The following RIC3 variants were observed in gnomAD, a reference collection of about 807,000 sequenced individuals.
RIC3 encodes the protein RIC3 acetylcholine receptor chaperone, also known as protein RIC-3.
In RIC3, 28 loss-of-function variants were observed where a neutral mutation model predicts 27.3. The ratio of observed to expected loss-of-function variants is 1.02; its 90% confidence interval spans 0.76 to 1.41. The LOEUF is 1.41. RIC3 is among the 40% of genes most tolerant of loss of function. RIC3 has a pLI of 0.00. For synonymous variants in RIC3, 184 were observed against 160.4 expected, an observed-to-expected ratio of 1.15 and a Z score of -1.11; for missense variants, 501 against 444.7, an observed-to-expected ratio of 1.13 and a Z score of -1.14.
At chr11:8,167,235 T>C (rs1039096273) in intron 1 of RIC3, among the ~76,000 whole-genome samples, 2 of 152,116 alleles carry the variant, frequency 1.3e-5, no homozygotes, top group African/African-American at 4.8e-5. Context: ...CAAACTTACA[T>C]TCTAGAAGGT....
Position 8,110,952 on chromosome 11 carries a change from TG to T in RIC3, c.855del (p.Arg286GlufsTer75), listed in dbSNP as rs1945182812. 3 of 1,614,116 alleles carry T rather than the reference TG, an allele frequency of 1.9e-6. No individual in the cohort carries two copies. The African/African-American group carries it at 4.0e-5, about 22-fold the overall frequency. ...HLGWESLPTD[P>X]RAQEDNSVTS... is the part of the protein sequence containing the mutation. The stretch of plus-strand genomic sequence containing the variant: ...GTAACAGAATTATCTTCCTGGGCTC[TG>T]GGGTCAGTGGGCAGACTTTCCCAAC... On this transcript the variant is annotated frameshift_variant, in exon 6 of 6. Coordinates refer to ENST00000309737, the MANE Select transcript of RIC3 (RefSeq NM_001206671.4). LOFTEE classifies it low-confidence loss of function (END_TRUNC).
At chr11:8,162,368 C>T (rs1222262728) in intron 1 of RIC3, among the ~76,000 whole-genome samples, 1 of 152,234 alleles carries the variant, frequency 6.6e-6, no homozygotes, top group Non-Finnish European at 1.5e-5. Flanking sequence ...CTCATGATGT[C>T]TCAACTGGAT....
In RIC3 at chr11:8,119,975, C is replaced by T. The variant is rs902834834; in HGVS notation, c.670+6684G>A. 3.3e-5 allele frequency among the ~76,000 whole-genome samples: 5 copies of T among 152,194 alleles called. No homozygotes were observed. The South Asian group carries it at 1.0e-3, about 32-fold the overall frequency. On this transcript the variant is annotated intron_variant, in intron 5 of 5. Transcript: ENST00000309737. ...CACTGGCCATCAGAGAAATGCAAATCAAAACCACAATGAGATACCATCTCA... is the reference window on the plus strand; with the variant it reads ...CACTGGCCATCAGAGAAATGCAAATTAAAACCACAATGAGATACCATCTCA...
At chr11:8,138,537 C>A in intron 2 of RIC3, 190 bp from the exon 3 acceptor site, 1 of 530,046 alleles carries the variant, frequency 1.9e-6, no homozygotes, top group Non-Finnish European at 3.3e-6. Flanking sequence ...AAAAAATTAT[C>A]AAAGCACAAG....
At chr11:8,158,374 G>A (rs1950865188) in intron 1 of RIC3, among the ~76,000 whole-genome samples, 1 of 152,122 alleles carries the variant, frequency 6.6e-6, no homozygotes, top group Non-Finnish European at 1.5e-5. Flanking sequence ...CCCAGATACA[G>A]TGTTACTGTG....
intron 1 of RIC3, among the ~76,000 whole-genome samples, chr11:8,155,578 A>C (rs1231771294): frequency 6.6e-6 from 1 of 152,336 alleles, no homozygotes; most frequent in East Asian, 1.9e-4. Context: ...CGTTTCAAAA[A>C]AAAAGAAAAG....
chr11:8,150,830 C>T (rs1399463740), intron 1 of RIC3, among the ~76,000 whole-genome samples: 1 of 152,168 alleles, frequency 6.6e-6, no homozygotes. Context: ...TGACTGTCCA[C>T]CTGTTTAGAC....
In RIC3 at chr11:8,108,043, A is replaced by G. The variant is rs928415648; in HGVS notation, c.*2655T>C. On this transcript the variant is annotated 3_prime_UTR_variant, in exon 6 of 6. Transcript: ENST00000309737. ...AAAAGAATTTTCTAAATCCTAAATAACTGAAAGGTACATCCAAATGTCTGA... is the reference window on the plus strand; with the variant it reads ...AAAAGAATTTTCTAAATCCTAAATAGCTGAAAGGTACATCCAAATGTCTGA... 2.6e-5 allele frequency: 4 copies of G among 152,188 alleles called. No individual in the cohort carries two copies. The highest frequency in any genetic ancestry group is 5.9e-5 in the Non-Finnish European group (4 of 68,042). 9.4% of individuals were successfully genotyped at this position (152,188 alleles called of 1,614,324 possible). A position where few individuals can be genotyped will look rare whatever the true frequency, so the allele number is the denominator to read the frequency against.
chr11:8,159,335 A>G (rs1315829476), intron 1 of RIC3, among the ~76,000 whole-genome samples: 1 of 152,230 alleles, frequency 6.6e-6, no homozygotes, highest in East Asian at 1.9e-4. Flanking sequence ...TGGCCACAAC[A>G]AAGTGAGACA....
intron 1 of RIC3, among the ~76,000 whole-genome samples, chr11:8,160,178 A>G (rs1951045248): frequency 6.6e-6 from 1 of 152,192 alleles, no homozygotes; most frequent in South Asian, 2.1e-4. Flanking sequence ...AGAGATGCAT[A>G]CTGAAGCATT....
chr11:8,135,113 T>G (rs1049369088), intron 4 of RIC3, among the ~76,000 whole-genome samples: 1 of 152,246 alleles, frequency 6.6e-6, no homozygotes, highest in African/African-American at 2.4e-5. Flanking sequence ...TTTATGGTTT[T>G]AGGTCTAACA....
intron 5 of RIC3, among the ~76,000 whole-genome samples, chr11:8,121,216 T>C (rs913367964): frequency 6.6e-6 from 1 of 152,130 alleles, no homozygotes; most frequent in Non-Finnish European, 1.5e-5. Flanking sequence ...TTCCATATAA[T>C]TTCAACAAAA....
chr11:8,112,687 T>A (rs992678080), intron 5 of RIC3, among the ~76,000 whole-genome samples: 4 of 152,244 alleles, frequency 2.6e-5, no homozygotes, highest in African/African-American at 4.8e-5. Context: ...CAACATTATA[T>A]CATGAGCATC....
downstream of RIC3, chr11:8,105,963 T>A (rs1407152802): frequency 1.3e-5 from 2 of 152,110 alleles, no homozygotes; most frequent in Middle Eastern, 3.2e-3. Flanking sequence ...ATGCCTAGAC[T>A]GTGTATGTCT....
chr11:8,154,908 T>C (rs1312654397), intron 1 of RIC3, among the ~76,000 whole-genome samples: 1 of 152,212 alleles, frequency 6.6e-6, no homozygotes, highest in Admixed American at 6.5e-5. Context: ...GACTAAATCC[T>C]AATTGTTTAT....
chr11:8,094,154 G>A, the RIC3 span: 2 of 1,613,978 alleles, frequency 1.2e-6, no homozygotes, highest in South Asian at 2.2e-5. Context: ...GGCCAGGGTG[G>A]CGCCGCTAGG....
At chr11:8,095,716 T>G in the RIC3 span, 637 of 1,530,810 alleles carry the variant, frequency 4.2e-4, no homozygotes, top group Non-Finnish European at 5.2e-4. Context: ...TCCCAGGTTC[T>G]CAGATGCACC....
chr11:8,104,826 G>A (rs965521660), downstream of RIC3: 8 of 152,142 alleles, frequency 5.3e-5, no homozygotes, highest in African/African-American at 1.9e-4. Flanking sequence ...GGCGAACACA[G>A]GTGTTGGAAG....
At chr11:8,127,460 G>C (rs1200403861) in intron 4 of RIC3, among the ~76,000 whole-genome samples, 1 of 152,202 alleles carries the variant, frequency 6.6e-6, no homozygotes, top group African/African-American at 2.4e-5. Flanking sequence ...GCTTCTGATT[G>C]CATTCTGCGC....
Sources: allele counts gnomAD v4.1 joint callset (sites outside exome capture counted in the v4.1 genomes callset), GRCh38; gene constraint gnomAD v4.1.1; transcripts MANE v1.5; gene names NCBI Gene and HGNC (gene_info 2026-07-23, HGNC 2026-07-21).